The following ATP13A5 variants were observed in gnomAD, a reference collection of about 807,000 sequenced individuals.
The protein encoded by ATP13A5 is ATPase 13A5.
A neutral mutation model predicts 150.2 loss-of-function variants in ATP13A5; 149 were observed. The observed-to-expected ratio is 0.99, with a 90% CI of 0.87 to 1.14. The LOEUF (loss-of-function observed/expected upper bound fraction) is 1.14. ATP13A5 is among the 50% of genes most tolerant of loss of function. The pLI is 0.00. For missense variants in ATP13A5, 1,383 were observed against 1,449.3 expected (o/e 0.95, Z 0.74); for synonymous variants, 497 against 522.2 (o/e 0.95, Z 0.66).
intron 21 of ATP13A5, among the ~76,000 whole-genome samples, chr3:193,310,353 A>G (rs1259309043): frequency 6.6e-6 from 1 of 152,204 alleles, no homozygotes; most frequent in Non-Finnish European, 1.5e-5. Context: ...TCTTTATGGT[A>G]GAATGATTTA....
intron 9 of ATP13A5, among the ~76,000 whole-genome samples, chr3:193,343,704 T>G (rs1448393855): frequency 1.3e-5 from 2 of 152,226 alleles, no homozygotes; most frequent in East Asian, 1.9e-4. Flanking sequence ...ACATGTCATA[T>G]TAAACATTTG....
intron 5 of ATP13A5, among the ~76,000 whole-genome samples, chr3:193,361,729 T>C (rs952674903): frequency 5.9e-5 from 9 of 152,330 alleles, no homozygotes; most frequent in African/African-American, 2.2e-4. Flanking sequence ...TGTGCATCTA[T>C]AGGTACCAAT....
At chr3:193,343,124 T>A (rs951713200) in intron 9 of ATP13A5, among the ~76,000 whole-genome samples, 1 of 152,164 alleles carries the variant, frequency 6.6e-6, no homozygotes, top group African/African-American at 2.4e-5. Context: ...ATTTAGGTCA[T>A]GTTAAAACAT....
At chr3:193,344,145 G>A (rs1048789866) in intron 8 of ATP13A5, 90 bp from the exon 9 acceptor site, 3 of 1,493,576 alleles carry the variant, frequency 2.0e-6, no homozygotes, top group South Asian at 1.3e-5. Flanking sequence ...TCAACCTGTT[G>A]GCCAAGAGCT....
intron 25 of ATP13A5, among the ~76,000 whole-genome samples, chr3:193,295,725 A>G (rs1718143081): frequency 6.6e-6 from 1 of 152,146 alleles, no homozygotes. Context: ...TTATCGCCAT[A>G]TCTCCATAGT....
chr3:193,347,468 G>T (rs537980546), intron 7 of ATP13A5, among the ~76,000 whole-genome samples: 1 of 150,192 alleles, frequency 6.7e-6, no homozygotes, highest in South Asian at 2.1e-4. Context: ...TGTTCTACTA[G>T]TGCTTAAAAA....
At chr3:193,304,452 C>CT (rs1338673496) in intron 23 of ATP13A5, among the ~76,000 whole-genome samples, 15 of 152,162 alleles carry the variant, frequency 9.9e-5, no homozygotes, top group African/African-American at 3.4e-4. Flanking sequence ...TGCCAGTGAC[C>CT]TGTTTATTCT....
rs188643188 is a variant in ATP13A5, at chr3:193,348,561, C to T, written c.741+2506G>A. On this transcript the variant is annotated intron_variant, in intron 7 of 29. Coordinates refer to ENST00000342358, the MANE Select transcript of ATP13A5 (RefSeq NM_198505.4). Reference sequence around the variant, plus strand: ...CAAACTTGTTAGAAAGGGACGGAAGCGGGAGGGTTTCTTGGCTTAGGAAAG... The same window carrying T: ...CAAACTTGTTAGAAAGGGACGGAAGTGGGAGGGTTTCTTGGCTTAGGAAAG... Among the ~76,000 whole-genome samples the T allele has an allele frequency of 2.5e-4, 38 of 152,224 alleles. No individual in the cohort carries two copies. In the East Asian group the frequency reaches 5.0e-3, roughly 20 times the overall value.
intron 28 of ATP13A5, chr3:193,277,764 C>A (rs1170370263): frequency 6.6e-6 from 1 of 152,200 alleles, no homozygotes; most frequent in Admixed American, 6.5e-5. Flanking sequence ...TGGCTGCCAC[C>A]ACTCCAATCC....
chr3:193,275,435 CCTTTCCCAAGTT>C (rs1717151042), intron 29 of ATP13A5, 133 bp from the exon 30 acceptor site: 2 of 1,029,730 alleles, frequency 1.9e-6, no homozygotes, highest in Non-Finnish European at 1.4e-6. Flanking sequence ...ATCTACCTCT[CCTTTCCCAAGTT>C]CTGGAATTCT....
intron 23 of ATP13A5, among the ~76,000 whole-genome samples, chr3:193,302,202 G>T (rs557937731): frequency 6.6e-6 from 1 of 152,244 alleles, no homozygotes; most frequent in East Asian, 1.9e-4. Flanking sequence ...CAACAGAACA[G>T]GGACATGAAA....
chr3:193,334,110 G>T (rs1023725580), intron 10 of ATP13A5, among the ~76,000 whole-genome samples: 1 of 152,142 alleles, frequency 6.6e-6, no homozygotes, highest in African/African-American at 2.4e-5. Context: ...CTAGTGTCTA[G>T]TGCCTGCTAA....
At chr3:193,294,299 G>A (rs945867207) in intron 25 of ATP13A5, among the ~76,000 whole-genome samples, 1 of 151,838 alleles carries the variant, frequency 6.6e-6, no homozygotes, top group Non-Finnish European at 1.5e-5. Flanking sequence ...CCTGTTCTTA[G>A]ATTTTTTTGA....
chr3:193,318,927 A>T, intron 17 of ATP13A5, 64 bp downstream of exon 17: 7 of 1,132,040 alleles, frequency 6.2e-6, no homozygotes, highest in Non-Finnish European at 9.4e-6. Flanking sequence ...TCATCTGTTC[A>T]TCTCCAGGAC....
chr3:193,278,885 T>C (rs1044840546), intron 28 of ATP13A5, among the ~76,000 whole-genome samples: 6 of 152,198 alleles, frequency 3.9e-5, no homozygotes, highest in African/African-American at 1.4e-4. Context: ...TCAATAGCCT[T>C]GATGAATTAG....
intron 25 of ATP13A5, among the ~76,000 whole-genome samples, chr3:193,297,557 T>G (rs913025262): frequency 6.6e-6 from 1 of 152,060 alleles, no homozygotes; most frequent in East Asian, 1.9e-4. Flanking sequence ...AGCTACAGTC[T>G]GCTGAGTAAT....
In ATP13A5 at chr3:193,311,916, C is replaced by G. The variant is rs1718866372; in HGVS notation, c.2345G>C (p.Ser782Thr). The change falls in exon 20 of 30, where the codon AGT (serine) becomes ACT (threonine). Residue 782 changes from serine (S) to threonine (T), a missense_variant. By Grantham distance (58) the Ser-to-Thr change is moderately conservative. Around this residue, in one of 3 missense-constraint regions of ATP13A5, gnomAD observed 568 missense variants for 621.5 expected, o/e 0.91. Coordinates refer to ENST00000342358, the MANE Select transcript of ATP13A5 (RefSeq NM_198505.4). ...TCCTCCTTCCCCACGAGGGGTTGAA[C>G]TGTTTCCAGTATGCATGTAGATTTC... ...KKEIYMHTGN[S>T]STPRGEGGSC... 1 of 1,613,754 alleles carries G rather than the reference C, an allele frequency of 6.2e-7. No homozygotes were observed. Among genetic ancestry groups the G allele is most frequent in the Admixed American group, 1.7e-5 (1 of 59,982 alleles).
chr3:193,275,553 G>C (rs1717156197), intron 29 of ATP13A5, among the ~76,000 whole-genome samples: 1 of 152,236 alleles, frequency 6.6e-6, no homozygotes, highest in African/African-American at 2.4e-5. Flanking sequence ...GTCCTGGCTA[G>C]GGATTTTCTT....
chr3:193,309,761 G>A (rs1718768577), intron 21 of ATP13A5, among the ~76,000 whole-genome samples: 1 of 152,294 alleles, frequency 6.6e-6, no homozygotes, highest in Admixed American at 6.5e-5. Context: ...AAAAACTGAG[G>A]TTCAGTCCAA....
Sources: gnomAD v4.1 joint callset for allele counts (sites outside exome capture counted in the v4.1 genomes callset) on GRCh38, gnomAD v4.1.1 for gene constraint, gnomAD v4.1.1 regional missense constraint, MANE v1.5 for transcripts, NCBI Gene and HGNC (gene_info 2026-07-23, HGNC 2026-07-21) for gene names.